Variants in EVC2 observed in about 807,000 individuals in gnomAD.
The protein encoded by EVC2 is EvC ciliary complex subunit 2.
Under a neutral mutation model 149.3 loss-of-function variants are expected in EVC2, and 148 were observed. The ratio of observed to expected loss-of-function variants is 0.99; its 90% CI spans 0.87 to 1.14. The LOEUF (loss-of-function observed/expected upper bound fraction) is 1.14. Among genes scored for constraint, EVC2 ranks in the 50% most tolerant of loss-of-function variants. The pLI is 0.00. For missense variants in EVC2, 1,854 were observed against 1,627.3 expected (o/e 1.14, Z -2.40); for synonymous variants, 776 against 649.9 (o/e 1.19, Z -2.95).
intron 7 of EVC2, among the ~76,000 whole-genome samples, chr4:5,669,793 T>C (rs1719514573): frequency 6.6e-6 from 1 of 152,220 alleles, no homozygotes; most frequent in Non-Finnish European, 1.5e-5. Flanking sequence ...GTAGAGGTAC[T>C]GTGGGCAGTT....
At chr4:5,674,205 G>A (rs371112899) in intron 7 of EVC2, among the ~76,000 whole-genome samples, 1 of 152,170 alleles carries the variant, frequency 6.6e-6, no homozygotes. Context: ...GACAATTGGG[G>A]CAAGAGTGAG....
At chr4:5,586,497 G>A (rs1216307795) in intron 16 of EVC2, among the ~76,000 whole-genome samples, 1 of 152,096 alleles carries the variant, frequency 6.6e-6, no homozygotes, top group Non-Finnish European at 1.5e-5. Flanking sequence ...GAAGGGAAGG[G>A]GGAGCTGAAC....
chr4:5,582,377 T>C (rs944496542), intron 17 of EVC2, among the ~76,000 whole-genome samples: 1 of 152,168 alleles, frequency 6.6e-6, no homozygotes, highest in East Asian at 1.9e-4. Flanking sequence ...TCAAAGGAGA[T>C]TGTTTTGGAG....
At chr4:5,700,148 T>TA in intron 1 of EVC2, among the ~76,000 whole-genome samples, 1 of 151,996 alleles carries the variant, frequency 6.6e-6, no homozygotes, top group Middle Eastern at 3.4e-3. Flanking sequence ...TCAAAAAAAA[T>TA]AAAAATAAAA....
At chr4:5,683,442 A>G (rs1262471697) in intron 6 of EVC2, among the ~76,000 whole-genome samples, 1 of 152,198 alleles carries the variant, frequency 6.6e-6, no homozygotes, top group East Asian at 1.9e-4. Context: ...TTTAGTTCCT[A>G]GCATGAAGCC....
intron 9 of EVC2, among the ~76,000 whole-genome samples, chr4:5,644,064 G>A (rs892763001): frequency 1.3e-5 from 2 of 151,912 alleles, no homozygotes; most frequent in African/African-American, 4.8e-5. Context: ...GAACATTCTG[G>A]CCTTCTATCT....
At chr4:5,676,922 G>A (rs915174734) in intron 7 of EVC2, among the ~76,000 whole-genome samples, 7 of 151,914 alleles carry the variant, frequency 4.6e-5, no homozygotes, top group Non-Finnish European at 8.8e-5. Flanking sequence ...CCATGCTGCC[G>A]CACGCTCCAT....
At chr4:5,663,381 C>G in intron 8 of EVC2, 135 bp from the exon 9 acceptor site, 1 of 1,205,158 alleles carries the variant, frequency 8.3e-7, no homozygotes, top group Non-Finnish European at 1.2e-6. Flanking sequence ...CACAGTAAAC[C>G]CAGACAAGCT....
intron 9 of EVC2, among the ~76,000 whole-genome samples, chr4:5,653,239 A>G (rs1718270603): frequency 6.6e-6 from 1 of 152,180 alleles, no homozygotes; most frequent in Non-Finnish European, 1.5e-5. Context: ...ATAAGGTTAC[A>G]CTCACTGTCC....
chr4:5,574,400 CTTAG>C (rs1722798200), intron 19 of EVC2, among the ~76,000 whole-genome samples: 2 of 152,190 alleles, frequency 1.3e-5, no homozygotes, highest in Admixed American at 6.5e-5. Flanking sequence ...GTATATTAAA[CTTAG>C]TTAAAGATTG....
At chr4:5,638,579 C>A (rs1449086518) in intron 10 of EVC2, among the ~76,000 whole-genome samples, 1 of 151,950 alleles carries the variant, frequency 6.6e-6, no homozygotes, top group Non-Finnish European at 1.5e-5. Flanking sequence ...GTGAGGGAGG[C>A]TGCAGTGGAC....
chr4:5,585,784 T>C (rs1382114412), intron 16 of EVC2, among the ~76,000 whole-genome samples: 2 of 152,162 alleles, frequency 1.3e-5, no homozygotes, highest in Non-Finnish European at 2.9e-5. Context: ...CAGCTACAAT[T>C]GACAAGTCTG....
At chr4:5,590,157 C>T (rs1043013320) in intron 16 of EVC2, among the ~76,000 whole-genome samples, 40 of 151,824 alleles carry the variant, frequency 2.6e-4, no homozygotes, top group African/African-American at 9.2e-4. Context: ...GAGATGAAGC[C>T]GTAAAGGTGT....
At position 5,685,420 on chromosome 4, in the gene EVC2, C is replaced by T. The variant is rs145458036; in HGVS notation, c.766G>A (p.Gly256Arg). 40 of 1,614,188 alleles carry T rather than the reference C, an allele frequency of 2.5e-5. No individual in the cohort carries two copies. The Middle Eastern group carries it at 4.9e-4, about 20-fold the overall frequency. The change falls in exon 6 of 22, where the codon GGG becomes AGG. Residue 256 changes from glycine (G) to arginine (R), a missense_variant. Transcript: ENST00000344408. ...ATLQAGDLGN[G>R]ESLKLPAQLT... ...TGGGCAGGAAGCTTGAGGCTCTCCC[C>T]GTTCCCGAGGTCTCCAGCCTGGAGC... is the stretch of plus-strand genomic sequence containing the variant.
At chr4:5,631,574 G>GC (rs1716536941) in intron 11 of EVC2, among the ~76,000 whole-genome samples, 1 of 151,468 alleles carries the variant, frequency 6.6e-6, no homozygotes, top group Non-Finnish European at 1.5e-5. Context: ...GACTGGGGGG[G>GC]GGAACTGAAA....
rs370958428 is a variant in EVC2, at chr4:5,694,318, T to A, written c.450+17A>T. 1 of 1,613,330 alleles carries A rather than the reference T, an allele frequency of 6.2e-7. No individual in the cohort carries two copies. The highest frequency in any genetic ancestry group is 8.5e-7 in the Non-Finnish European group (1 of 1,179,552). ...AACTTCTGGTATTTGTGTTAAAGCA[T>A]TGAACTTAATACTTACCAGGCGGTG... On this transcript the variant is annotated intron_variant, in intron 3 of 21. Transcript: ENST00000344408.
the EVC2 span, among the ~76,000 whole-genome samples, chr4:5,536,571 T>C: frequency 6.6e-6 from 1 of 151,972 alleles, no homozygotes; most frequent in Non-Finnish European, 1.5e-5. Flanking sequence ...GATCACGAGG[T>C]CAGGAGATCG....
Position 5,574,668 on chromosome 4 carries a change from T to G in EVC2, c.3360+17A>C. 4 of 1,613,472 alleles carry G rather than the reference T, an allele frequency of 2.5e-6. No individual in the cohort carries two copies. The highest frequency in any genetic ancestry group is 3.4e-6 in the Non-Finnish European group (4 of 1,179,368). On this transcript the variant is annotated intron_variant, in intron 19 of 21. Coordinates refer to ENST00000344408, the MANE Select transcript of EVC2 (RefSeq NM_147127.5). ...GCTGGCAAGGGGTGGCCTCAGACCCTGCCAGTACCTTCTCACCTGGCTGCA... is the reference window on the plus strand; with the variant it reads ...GCTGGCAAGGGGTGGCCTCAGACCCGGCCAGTACCTTCTCACCTGGCTGCA...
intron 21 of EVC2, among the ~76,000 whole-genome samples, chr4:5,552,599 A>G (rs1721761399): frequency 6.6e-6 from 1 of 152,220 alleles, no homozygotes; most frequent in African/African-American, 2.4e-5. Context: ...TATAGGGAAC[A>G]GCTATTCACA....
Sources: allele counts gnomAD v4.1 joint callset (sites outside exome capture counted in the v4.1 genomes callset), GRCh38; gene constraint gnomAD v4.1.1; transcripts MANE v1.5; gene names NCBI Gene and HGNC (gene_info 2026-07-23, HGNC 2026-07-21).